The following SKAP1 variants were observed in gnomAD, a reference collection of about 807,000 sequenced individuals.
SKAP1 encodes the protein src kinase-associated phosphoprotein 1.
SKAP1 carries 44 observed loss-of-function variants against 58.5 expected under a neutral mutation model. That is an observed-to-expected ratio of 0.75 (90% CI 0.59 to 0.97). SKAP1 has a LOEUF of 0.97. SKAP1 is among the 50% of genes least tolerant of loss of function. The pLI is 0.00. For synonymous variants in SKAP1, 127 were observed against 149.7 expected (o/e 0.85, Z 1.11); for missense variants, 390 against 435.2 (o/e 0.90, Z 0.92).
chr17:48,361,499 G>A (rs537919944), intron 3 of SKAP1, among the ~76,000 whole-genome samples: 24 of 152,248 alleles, frequency 1.6e-4, no homozygotes, highest in African/African-American at 5.5e-4. Context: ...ATGAGCCACC[G>A]CACCCGGCCA....
intron 5 of SKAP1, among the ~76,000 whole-genome samples, chr17:48,188,988 AAAC>A (rs1044612720): frequency 7.2e-5 from 11 of 152,164 alleles, no homozygotes; most frequent in African/African-American, 2.7e-4. Context: ...ACTCTGTCTC[AAAC>A]AACAACAACA....
At chr17:48,137,459 G>A in intron 11 of SKAP1, 122 bp from the exon 12 acceptor site, 1 of 634,898 alleles carries the variant, frequency 1.6e-6, no homozygotes, top group Admixed American at 2.7e-5. Context: ...ACTGTGAACT[G>A]TTAACTTCCC....
At chr17:48,261,657 T>C (rs1437258764) in intron 4 of SKAP1, among the ~76,000 whole-genome samples, 1 of 152,140 alleles carries the variant, frequency 6.6e-6, no homozygotes, top group Non-Finnish European at 1.5e-5. Context: ...GCAAGGGCCA[T>C]ACTGAACCCA....
intron 4 of SKAP1, among the ~76,000 whole-genome samples, chr17:48,229,337 C>T (rs879141367): frequency 2.6e-5 from 4 of 152,014 alleles, no homozygotes; most frequent in Admixed American, 2.0e-4. Context: ...AAAACATTTG[C>T]GGGCCTGGCG....
At chr17:48,393,762 A>T (rs2067379357) in intron 2 of SKAP1, among the ~76,000 whole-genome samples, 1 of 151,894 alleles carries the variant, frequency 6.6e-6, no homozygotes, top group Non-Finnish European at 1.5e-5. Flanking sequence ...AAGTTGTAAA[A>T]TATATATATA....
intron 4 of SKAP1, among the ~76,000 whole-genome samples, chr17:48,273,210 A>G (rs904179409): frequency 6.6e-6 from 1 of 152,146 alleles, no homozygotes; most frequent in African/African-American, 2.4e-5. Context: ...CACTCCTGCA[A>G]TTCCCAACAT....
intron 4 of SKAP1, among the ~76,000 whole-genome samples, chr17:48,298,768 A>G (rs2066017361): frequency 6.6e-6 from 1 of 152,092 alleles, no homozygotes. Context: ...CAGTGCAATT[A>G]CTCTTTTTCT....
At chr17:48,206,279 A>G (rs1172292537) in intron 4 of SKAP1, among the ~76,000 whole-genome samples, 1 of 152,162 alleles carries the variant, frequency 6.6e-6, no homozygotes, top group African/African-American at 2.4e-5. Context: ...GATATAACAA[A>G]GGATATAGGT....
At chr17:48,428,817 AC>A (rs2067880507) in intron 1 of SKAP1, among the ~76,000 whole-genome samples, 1 of 152,202 alleles carries the variant, frequency 6.6e-6, no homozygotes, top group African/African-American at 2.4e-5. Flanking sequence ...CTTCTTAGAC[AC>A]CCAGATAATT....
In SKAP1 at chr17:48,423,990, C is replaced by CA. The variant is rs890243819; in HGVS notation, c.46+6084dup. Among the ~76,000 whole-genome samples the CA allele has an allele frequency of 6.8e-4, 102 of 149,334 alleles. 1 individual carries two copies. The highest frequency in any genetic ancestry group is 2.2e-3 in the African/African-American group (89 of 40,750). On this transcript the variant is annotated intron_variant, in intron 1 of 12. Coordinates refer to ENST00000336915, the MANE Select transcript of SKAP1 (RefSeq NM_003726.4). ...AAAAATAGGGTATATAACTTGAAGG[C>CA]AAAAAAAAACTCACTTAACGATTGT...
intron 4 of SKAP1, among the ~76,000 whole-genome samples, chr17:48,284,822 C>T (rs1306520316): frequency 6.6e-6 from 1 of 152,166 alleles, no homozygotes; most frequent in Non-Finnish European, 1.5e-5. Context: ...TGGAGACATA[C>T]ATGGTAAGAC....
At chr17:48,354,024 T>G (rs1247476800) in intron 3 of SKAP1, among the ~76,000 whole-genome samples, 1 of 151,624 alleles carries the variant, frequency 6.6e-6, no homozygotes, top group East Asian at 1.9e-4. Flanking sequence ...ATAAGAAATG[T>G]TTTTCAAAAG....
intron 4 of SKAP1, chr17:48,295,541 C>T (rs184168396): frequency 2.0e-5 from 3 of 151,760 alleles, no homozygotes; most frequent in Admixed American, 1.3e-4. Flanking sequence ...CCGTTTTTCA[C>T]CTAGGTCACA....
intron 4 of SKAP1, among the ~76,000 whole-genome samples, chr17:48,198,040 G>A (rs1441780563): frequency 6.6e-6 from 1 of 152,206 alleles, no homozygotes; most frequent in Non-Finnish European, 1.5e-5. Flanking sequence ...TTTCTGGTAG[G>A]TGTCAGGAGT....
At chr17:48,260,532 G>A (rs2065473100) in intron 4 of SKAP1, among the ~76,000 whole-genome samples, 1 of 152,136 alleles carries the variant, frequency 6.6e-6, no homozygotes, top group African/African-American at 2.4e-5. Context: ...GCAAAGATAA[G>A]AAGGGTCATT....
chr17:48,170,698 C>A, intron 9 of SKAP1, 39 bp from the exon 10 acceptor site: 7 of 1,469,074 alleles, frequency 4.8e-6, no homozygotes, highest in South Asian at 1.2e-5. Context: ...ATTAGTGGTT[C>A]ACAGTCTCAT....
At chr17:48,355,723 T>C (rs2066867697) in intron 3 of SKAP1, among the ~76,000 whole-genome samples, 1 of 151,684 alleles carries the variant, frequency 6.6e-6, no homozygotes, top group Non-Finnish European at 1.5e-5. Flanking sequence ...ACTACTTGGG[T>C]GGCTGAGGCA....
chr17:48,395,464 C>G (rs1380643772), intron 2 of SKAP1, among the ~76,000 whole-genome samples: 3 of 151,966 alleles, frequency 2.0e-5, no homozygotes, highest in African/African-American at 7.3e-5. Flanking sequence ...GCAAGCCACC[C>G]TTAGAGTAAT....
chr17:48,386,547 G>A (rs77556405), intron 2 of SKAP1, among the ~76,000 whole-genome samples: 17,074 of 152,206 alleles, frequency 0.11, 1,380 homozygotes, highest in Non-Finnish European at 0.16. Context: ...TTGCTAACAA[G>A]TTTCCAGGTT....
Sources: allele counts gnomAD v4.1 joint callset (sites outside exome capture counted in the v4.1 genomes callset), GRCh38; gene constraint gnomAD v4.1.1; transcripts MANE v1.5; gene names NCBI Gene and HGNC (gene_info 2026-07-23, HGNC 2026-07-21).